The following ETFA variants were observed in gnomAD, a reference collection of about 807,000 sequenced individuals.
ETFA encodes electron transfer flavoprotein subunit alpha.
A neutral mutation model predicts 46.2 loss-of-function variants in ETFA; 22 were observed. That is an observed-to-expected ratio of 0.48 (90% CI 0.34 to 0.68). The LOEUF is 0.68. Ranked by LOEUF, ETFA falls within the 30% of genes least tolerant of loss-of-function variation. ETFA has a pLI of 0.01. For missense variants in ETFA, 345 were observed against 401.1 expected (o/e 0.86, Z 1.19); for synonymous variants, 131 against 139.9 (o/e 0.94, Z 0.45).
chr15:76,303,852 G>A (rs2039907462), intron 1 of ETFA, among the ~76,000 whole-genome samples: 2 of 152,234 alleles, frequency 1.3e-5, no homozygotes, highest in Non-Finnish European at 2.9e-5. Flanking sequence ...TGGTGAGGAT[G>A]TAAATTAGTT....
chr15:76,260,932 T>C, intron 9 of ETFA: 2 of 1,611,596 alleles, frequency 1.2e-6, no homozygotes, highest in South Asian at 2.2e-5. Context: ...ACCTGAACTG[T>C]ACAGGACTGC....
At chr15:76,224,851 GA>G in intron 11 of ETFA, among the ~76,000 whole-genome samples, 1 of 152,042 alleles carries the variant, frequency 6.6e-6, no homozygotes. Context: ...GGCCACGCAT[GA>G]GTCATGACCT....
At chr15:76,252,962 G>A (rs979003706) in intron 9 of ETFA, among the ~76,000 whole-genome samples, 1 of 149,990 alleles carries the variant, frequency 6.7e-6, no homozygotes, top group African/African-American at 2.5e-5. Flanking sequence ...GAGTGCAGTG[G>A]CTGTTGATAG....
At chr15:76,295,878 A>G in intron 1 of ETFA, 141 bp from the exon 2 acceptor site, 1 of 521,070 alleles carries the variant, frequency 1.9e-6, no homozygotes. Context: ...TATTTATAAA[A>G]TACTTGTTCT....
At chr15:76,254,554 C>T (rs1177170335) in intron 9 of ETFA, among the ~76,000 whole-genome samples, 1 of 152,172 alleles carries the variant, frequency 6.6e-6, no homozygotes, top group African/African-American at 2.4e-5. Flanking sequence ...GTCAGGATAA[C>T]CCCGAGAGCC....
intron 10 of ETFA, chr15:76,231,025 A>C (rs1323539085): frequency 3.3e-6 from 1 of 300,504 alleles, no homozygotes; most frequent in Non-Finnish European, 6.2e-6. Context: ...AGGGCAACTT[A>C]GTGATCATCA....
intron 9 of ETFA, among the ~76,000 whole-genome samples, chr15:76,240,551 C>T (rs547494914): frequency 7.9e-5 from 12 of 152,238 alleles, no homozygotes; most frequent in African/African-American, 2.9e-4. Context: ...AGTTGCTCAA[C>T]TACAAAGTTA....
chr15:76,300,839 C>T (rs2039873059), intron 1 of ETFA, among the ~76,000 whole-genome samples: 1 of 152,172 alleles, frequency 6.6e-6, no homozygotes, highest in Non-Finnish European at 1.5e-5. Flanking sequence ...TTCCAGCCTT[C>T]CCACACATTG....
At chr15:76,289,254 G>A (rs1439838202) in intron 4 of ETFA, among the ~76,000 whole-genome samples, 3 of 151,956 alleles carry the variant, frequency 2.0e-5, no homozygotes, top group Non-Finnish European at 2.9e-5. Flanking sequence ...ACTTAATCTG[G>A]TTTAAAAACC....
intron 2 of ETFA, among the ~76,000 whole-genome samples, chr15:76,295,105 TAACAACAAC>T (rs545294285): frequency 1.3e-5 from 2 of 151,926 alleles, no homozygotes; most frequent in East Asian, 1.9e-4. Context: ...ATTTCAACAA[TAACAACAAC>T]AACAACAACA....
rs192108904 is a variant in ETFA at position 76,252,809 on chromosome 15, C to T, written c.817-21411G>A. Among the ~76,000 whole-genome samples the T allele has an allele frequency of 1.8e-4, 28 of 151,460 alleles. No individual in the cohort carries two copies. The East Asian group carries it at 5.2e-3, about 28-fold the overall frequency. The stretch of plus-strand genomic sequence containing the variant: ...TATTTCTATTCTTAGGAAATACATA[C>T]TGAGGTCTTTAGGGGTAAAGGGCTA... On this transcript the variant is annotated intron_variant, in intron 9 of 11. Coordinates refer to ENST00000557943, the MANE Select transcript of ETFA (RefSeq NM_000126.4).
chr15:76,216,686 G>C, intron 11 of ETFA, 89 bp from the exon 12 acceptor site: 1 of 874,008 alleles, frequency 1.1e-6, no homozygotes, highest in African/African-American at 1.6e-5. Flanking sequence ...GAGGCCAAAA[G>C]AAACAACACA....
rs111557114 is a variant in ETFA at position 76,287,559 on chromosome 15, A to G, written c.451+287T>C. Among the ~76,000 whole-genome samples, 693 of 152,204 alleles carry G rather than the reference A, an allele frequency of 4.6e-3. 6 individuals carry two copies. Among genetic ancestry groups the G allele is most frequent in the African/African-American group, 0.016 (657 of 41,520 alleles). On this transcript the variant is annotated intron_variant, in intron 5 of 11. Transcript: ENST00000557943. The stretch of plus-strand genomic sequence containing the variant: ...TTTAAGTTTTGCTTTTCCAGGTACC[A>G]CTTACAAAATATATTAAATTGTGAA...
At chr15:76,270,128 T>G (rs1304706937) in intron 9 of ETFA, among the ~76,000 whole-genome samples, 1 of 151,534 alleles carries the variant, frequency 6.6e-6, no homozygotes, top group African/African-American at 2.4e-5. Flanking sequence ...TTGGTAGGAG[T>G]GTAAAATTGT....
intron 9 of ETFA, 94 bp downstream of exon 9, chr15:76,274,318 G>A: frequency 1.0e-6 from 1 of 980,558 alleles, no homozygotes; most frequent in Non-Finnish European, 1.6e-6. Flanking sequence ...CAGGAACACT[G>A]AGTAAGGTAA....
chr15:76,260,305 T>G, intron 9 of ETFA: 1 of 1,240,610 alleles, frequency 8.1e-7, no homozygotes, highest in East Asian at 2.3e-5. Flanking sequence ...CCCCGGGAAA[T>G]GACACTGTCA....
chr15:76,268,725 G>C (rs953654428), intron 9 of ETFA, among the ~76,000 whole-genome samples: 1 of 152,180 alleles, frequency 6.6e-6, no homozygotes, highest in Non-Finnish European at 1.5e-5. Context: ...AAGGGAAAGA[G>C]GAAATATGTA....
intron 9 of ETFA, among the ~76,000 whole-genome samples, chr15:76,271,647 G>T (rs2039532430): frequency 6.6e-6 from 1 of 152,106 alleles, no homozygotes; most frequent in East Asian, 1.9e-4. Context: ...TGCTTAGATG[G>T]TATTATGTAT....
intron 1 of ETFA, among the ~76,000 whole-genome samples, chr15:76,305,860 T>C (rs1272773278): frequency 1.3e-5 from 1 of 79,000 alleles, no homozygotes; most frequent in African/African-American, 4.2e-5. Flanking sequence ...ACCTCAATAG[T>C]TGTTTTTTTT....
Sources: allele counts gnomAD v4.1 joint callset (sites outside exome capture counted in the v4.1 genomes callset), GRCh38; gene constraint gnomAD v4.1.1; transcripts MANE v1.5; gene names NCBI Gene and HGNC (gene_info 2026-07-23, HGNC 2026-07-21).